The following IL15 variants were observed in gnomAD, a reference collection of about 807,000 sequenced individuals.
The protein encoded by IL15 is interleukin-15.
In IL15, 11 loss-of-function variants were observed where a neutral mutation model predicts 19.6. The observed-to-expected ratio is 0.56, with a 90% CI of 0.35 to 0.93. The LOEUF is 0.93. IL15 is among the 40% of genes least tolerant of loss of function. The pLI is 0.01. For synonymous variants in IL15, 58 were observed against 59.6 expected (o/e 0.97, Z 0.12); for missense variants, 197 against 186.5 (o/e 1.06, Z -0.33).
At chr4:141,722,073 T>A in intron 5 of IL15, 65 bp downstream of exon 5, 1 of 1,458,948 alleles carries the variant, frequency 6.9e-7, no homozygotes. Flanking sequence ...CTCTCTGTGT[T>A]TTTCTGTCTG....
At chr4:141,678,478 A>G (rs911871552) in intron 2 of IL15, among the ~76,000 whole-genome samples, 3 of 152,136 alleles carry the variant, frequency 2.0e-5, no homozygotes, top group Non-Finnish European at 2.9e-5. Flanking sequence ...AAGTCAATCA[A>G]GAGAAATCCC....
intron 2 of IL15, among the ~76,000 whole-genome samples, chr4:141,696,652 T>A (rs1471356865): frequency 6.6e-6 from 1 of 152,014 alleles, no homozygotes; most frequent in Non-Finnish European, 1.5e-5. Flanking sequence ...CTTTCTATTT[T>A]TATTTCAATA....
chr4:141,682,933 C>G (rs552819678), intron 2 of IL15, among the ~76,000 whole-genome samples: 1 of 151,844 alleles, frequency 6.6e-6, no homozygotes, highest in Admixed American at 6.6e-5. Context: ...ACCTGGGCGA[C>G]AAAGCGAGAT....
intron 2 of IL15, among the ~76,000 whole-genome samples, chr4:141,693,765 G>A (rs1729004249): frequency 6.6e-6 from 1 of 152,136 alleles, no homozygotes; most frequent in Non-Finnish European, 1.5e-5. Flanking sequence ...AAAAAAATTA[G>A]TGAGCCCATA....
intron 7 of IL15, among the ~76,000 whole-genome samples, chr4:141,732,124 G>A (rs1414929910): frequency 6.6e-6 from 1 of 152,166 alleles, no homozygotes; most frequent in Non-Finnish European, 1.5e-5. Context: ...TGTGAGAGAG[G>A]TCTAAATAAG....
At chr4:141,654,172 G>A (rs1339251292) in intron 1 of IL15, among the ~76,000 whole-genome samples, 1 of 152,170 alleles carries the variant, frequency 6.6e-6, no homozygotes, top group Non-Finnish European at 1.5e-5. Context: ...GGGAGAAGTT[G>A]GACTGTGATG....
chr4:141,725,610 C>G (rs1730232700), intron 5 of IL15, among the ~76,000 whole-genome samples: 1 of 152,078 alleles, frequency 6.6e-6, no homozygotes, highest in South Asian at 2.1e-4. Flanking sequence ...ATATAAACAC[C>G]TATTGAAGAT....
At chr4:141,661,866 C>A (rs991243166) in intron 2 of IL15, among the ~76,000 whole-genome samples, 2 of 151,946 alleles carry the variant, frequency 1.3e-5, no homozygotes, top group African/African-American at 4.8e-5. Context: ...GGAATCATAC[C>A]CCTCAATAAA....
rs111853617 is a variant in IL15, at chr4:141,723,646, A to T, written c.195+1638A>T. Among the ~76,000 whole-genome samples the T allele has an allele frequency of 5.4e-3, 830 of 152,324 alleles. 15 individuals are homozygous for T. The highest frequency in any genetic ancestry group is 0.019 in the African/African-American group (805 of 41,576). ...TTACAGCAGCTCTAGACTGATACAC[A>T]TGCATACATTAATTATAAAAAGCAG... On this transcript the variant is annotated intron_variant, in intron 5 of 7. Coordinates refer to ENST00000320650, the MANE Select transcript of IL15 (RefSeq NM_000585.5).
At chr4:141,683,175 A>G (rs1362609147) in intron 2 of IL15, among the ~76,000 whole-genome samples, 1 of 152,070 alleles carries the variant, frequency 6.6e-6, no homozygotes, top group East Asian at 1.9e-4. Context: ...AGGCTGAGGC[A>G]GGAGAATCAC....
At chr4:141,656,610 A>C (rs769660649) in intron 2 of IL15, among the ~76,000 whole-genome samples, 20 of 152,202 alleles carry the variant, frequency 1.3e-4, no homozygotes, top group Non-Finnish European at 2.1e-4. Flanking sequence ...TGAAAGAAGC[A>C]ATAATCGTGT....
At chr4:141,675,047 T>C (rs1333319652) in intron 2 of IL15, among the ~76,000 whole-genome samples, 1 of 152,124 alleles carries the variant, frequency 6.6e-6, no homozygotes, top group South Asian at 2.1e-4. Flanking sequence ...AGAATTAAAT[T>C]CCACTTGAAC....
chr4:141,720,972 T>C, intron 4 of IL15: 1 of 586,314 alleles, frequency 1.7e-6, no homozygotes, highest in Non-Finnish European at 3.0e-6. Flanking sequence ...GTTTAAAACA[T>C]TTCTTTCTTT....
chr4:141,651,170 TA>T (rs1465679309), intron 1 of IL15, among the ~76,000 whole-genome samples: 2 of 151,788 alleles, frequency 1.3e-5, no homozygotes, highest in African/African-American at 4.8e-5. Context: ...ACCATATATA[TA>T]TATACACACA....
At chr4:141,698,233 G>T (rs2131415) in intron 2 of IL15, among the ~76,000 whole-genome samples, 15,762 of 152,036 alleles carry the variant, frequency 0.1, 918 homozygotes, top group Non-Finnish European at 0.14. Flanking sequence ...GTTCAATTTG[G>T]TTAGCTAGTA....
At chr4:141,688,711 A>AT (rs1728789180) in intron 2 of IL15, 1 of 152,244 alleles carries the variant, frequency 6.6e-6, no homozygotes, top group East Asian at 1.9e-4. Flanking sequence ...TCTAATTTAC[A>AT]TATTCATCTG....
chr4:141,688,983 T>C (rs536828920), intron 2 of IL15: 1 of 153,192 alleles, frequency 6.5e-6, no homozygotes, highest in Non-Finnish European at 1.4e-5. Context: ...GTTTCTTCCT[T>C]CTGGTGGGTT....
intron 2 of IL15, among the ~76,000 whole-genome samples, chr4:141,694,595 G>T (rs1729031417): frequency 6.6e-6 from 1 of 152,158 alleles, no homozygotes; most frequent in African/African-American, 2.4e-5. Context: ...GAGAAGCCCA[G>T]GGCTCAATTC....
At chr4:141,726,480 T>G (rs1730268798) in intron 5 of IL15, among the ~76,000 whole-genome samples, 1 of 152,158 alleles carries the variant, frequency 6.6e-6, no homozygotes, top group African/African-American at 2.4e-5. Flanking sequence ...AACTGGATCA[T>G]TCATACATTG....
Sources: allele counts gnomAD v4.1 joint callset (sites outside exome capture counted in the v4.1 genomes callset), GRCh38; gene constraint gnomAD v4.1.1; transcripts MANE v1.5; gene names NCBI Gene and HGNC (gene_info 2026-07-23, HGNC 2026-07-21).